Variants in KCNU1 observed in about 807,000 individuals in gnomAD.
KCNU1 encodes potassium channel subfamily U member 1.
A neutral mutation model predicts 126.8 loss-of-function variants in KCNU1; 93 were observed. The ratio of observed to expected loss-of-function variants is 0.73; its 90% CI spans 0.62 to 0.87. KCNU1 has a LOEUF of 0.87. Ranked by LOEUF, KCNU1 falls within the 40% of genes least tolerant of loss-of-function variation. KCNU1 has a pLI of 0.00. For synonymous variants in KCNU1, 523 were observed against 494.2 expected, an observed-to-expected ratio of 1.06 and a Z score of -0.77; for missense variants, 1,330 against 1,367.1, an observed-to-expected ratio of 0.97 and a Z score of 0.43.
intron 24 of KCNU1, among the ~76,000 whole-genome samples, chr8:36,925,427 A>G (rs1424224459): frequency 6.6e-6 from 1 of 152,204 alleles, no homozygotes; most frequent in Non-Finnish European, 1.5e-5. Context: ...GCCCCAGCTC[A>G]TGAATCTTTA....
chr8:36,924,559 A>G (rs1808473250), intron 24 of KCNU1, among the ~76,000 whole-genome samples: 1 of 152,162 alleles, frequency 6.6e-6, no homozygotes, highest in African/African-American at 2.4e-5. Context: ...ACAAATTGGT[A>G]AAGTGCAAGG....
chr8:36,926,385 G>A (rs190080409), intron 24 of KCNU1, among the ~76,000 whole-genome samples: 1 of 152,234 alleles, frequency 6.6e-6, no homozygotes, highest in African/African-American at 2.4e-5. Flanking sequence ...AATGTTCTGT[G>A]CAGAAAGAAG....
chr8:36,857,061 C>G (rs935433681), intron 18 of KCNU1, among the ~76,000 whole-genome samples: 1 of 152,194 alleles, frequency 6.6e-6, no homozygotes, highest in Non-Finnish European at 1.5e-5. Context: ...CCATTGCTCC[C>G]GAGCTTGCAG....
At chr8:36,826,747 G>A (rs2130515065) in intron 10 of KCNU1, among the ~76,000 whole-genome samples, 1 of 151,948 alleles carries the variant, frequency 6.6e-6, no homozygotes, top group South Asian at 2.1e-4. Flanking sequence ...TTTCATTTCA[G>A]GGGTACCTGT....
Position 36,836,336 on chromosome 8 carries a change from A to T in KCNU1, c.1336A>T (p.Ile446Phe), listed in dbSNP as rs958119660. The change falls in exon 13 of 27, where the codon ATC becomes TTC. Residue 446 changes from isoleucine (I) to phenylalanine (F), a missense_variant. By Grantham distance (21) the Ile-to-Phe change is conservative. Coordinates refer to ENST00000399881, the MANE Select transcript of KCNU1 (RefSeq NM_001031836.3). ...IKNYDSTTRI[I>F]IQILQSHNKV... is the part of the protein sequence containing the mutation. ...GAACTATGATTCTACCACCAGAATC[A>T]TCATACAGATACTGCAATCCCATAA... is the stretch of plus-strand genomic sequence containing the variant. 10 of 1,606,500 alleles carry T rather than the reference A, an allele frequency of 6.2e-6. No homozygotes were observed. Among genetic ancestry groups the T allele is most frequent in the Non-Finnish European group, 8.5e-6 (10 of 1,173,964 alleles).
Position 36,843,637 on chromosome 8 carries a change from C to G in KCNU1, c.1704-1943C>G, listed in dbSNP as rs980274723. On this transcript the variant is annotated intron_variant, in intron 16 of 26. Coordinates refer to ENST00000399881, the MANE Select transcript of KCNU1 (RefSeq NM_001031836.3). Reference sequence around the variant, plus strand: ...CTGTAACCACCCTGTAGTAAATTCACTGCTGCCATTATTGGTAGAAGGAAG... The same window carrying G: ...CTGTAACCACCCTGTAGTAAATTCAGTGCTGCCATTATTGGTAGAAGGAAG... 3.3e-5 allele frequency among the ~76,000 whole-genome samples: 5 copies of G among 152,316 alleles called. 1 individual carries two copies. The highest frequency in any genetic ancestry group is 3.3e-4 in the Admixed American group (5 of 15,314).
At chr8:36,792,827 T>A (rs1802952041) in intron 2 of KCNU1, among the ~76,000 whole-genome samples, 2 of 152,196 alleles carry the variant, frequency 1.3e-5, no homozygotes, top group Non-Finnish European at 2.9e-5. Flanking sequence ...GTTCTGCATA[T>A]AATAAGTATA....
rs1339071305 is a variant in KCNU1 at position 36,910,175 on chromosome 8, A to G, written c.2331+640A>G. 2.0e-5 allele frequency among the ~76,000 whole-genome samples: 3 copies of G among 152,336 alleles called. No homozygotes were observed. In the East Asian group the frequency reaches 5.8e-4, roughly 29 times the overall value. On this transcript the variant is annotated intron_variant, in intron 21 of 26. Coordinates refer to ENST00000399881, the MANE Select transcript of KCNU1 (RefSeq NM_001031836.3). ...ATTTCATTTTCATGAGATACGCACCAAAGCATTTTCATAATGCTGGCAATA... is the reference window on the plus strand; with the variant it reads ...ATTTCATTTTCATGAGATACGCACCGAAGCATTTTCATAATGCTGGCAATA...
chr8:36,905,677 C>T, intron 19 of KCNU1, 31 bp from the exon 20 acceptor site: 1 of 1,191,332 alleles, frequency 8.4e-7, no homozygotes, highest in East Asian at 2.3e-5. Flanking sequence ...TCCAAATAGT[C>T]TCAAACTAAC....
rs567779029 is a variant in KCNU1 at position 36,875,348 on chromosome 8, A to G, written c.2009+10827A>G. ...CTTATTTATACATACCAATACATAC[A>G]TACATTACATATATAATTACAGATA... is the stretch of plus-strand genomic sequence containing the variant. On this transcript the variant is annotated intron_variant, in intron 19 of 26. Coordinates refer to ENST00000399881, the MANE Select transcript of KCNU1 (RefSeq NM_001031836.3). 1.1e-4 allele frequency among the ~76,000 whole-genome samples: 16 copies of G among 149,698 alleles called. No individual in the cohort carries two copies. The South Asian group carries it at 3.3e-3, about 31-fold the overall frequency.
At chr8:36,811,193 C>A (rs1803696062) in intron 7 of KCNU1, among the ~76,000 whole-genome samples, 1 of 152,052 alleles carries the variant, frequency 6.6e-6, no homozygotes, top group African/African-American at 2.4e-5. Context: ...CTGTAAATAT[C>A]ATTAGGGTAT....
At chr8:36,837,931 C>T (rs573881517) in intron 14 of KCNU1, among the ~76,000 whole-genome samples, 1 of 152,208 alleles carries the variant, frequency 6.6e-6, no homozygotes, top group East Asian at 1.9e-4. Context: ...TTTCTGTGTT[C>T]AGTACAAATA....
At chr8:36,797,074 G>A (rs1038980961) in intron 2 of KCNU1, among the ~76,000 whole-genome samples, 4 of 152,090 alleles carry the variant, frequency 2.6e-5, no homozygotes, top group African/African-American at 9.7e-5. Context: ...AGAACTACAT[G>A]GTGATTGTGA....
rs551984028 is a variant in KCNU1, at chr8:36,888,108, G to T, written c.2010-17600G>T. Among the ~76,000 whole-genome samples the T allele has an allele frequency of 8.5e-5, 13 of 152,128 alleles. 2 individuals are homozygous for T. The highest frequency in any genetic ancestry group is 3.1e-4 in the African/African-American group (13 of 41,524). On this transcript the variant is annotated intron_variant, in intron 19 of 26. Transcript: ENST00000399881. The stretch of plus-strand genomic sequence containing the variant: ...AGAATTTTATTTTTATTTTATAGAG[G>T]AGAAAAACCAAGTAACAGAAACAAA...
chr8:36,835,677 G>A (rs575190828), intron 12 of KCNU1, among the ~76,000 whole-genome samples: 1 of 152,170 alleles, frequency 6.6e-6, no homozygotes, highest in Admixed American at 6.5e-5. Context: ...GCTAGAGTCA[G>A]TGTTATTACA....
chr8:36,854,281 T>C (rs186708341), intron 18 of KCNU1, among the ~76,000 whole-genome samples: 404 of 152,272 alleles, frequency 2.7e-3, no homozygotes, highest in Non-Finnish European at 4.3e-3. Flanking sequence ...TGAGAAGTTA[T>C]TGGCCATTAT....
At chr8:36,903,421 T>C (rs1807497331) in intron 19 of KCNU1, among the ~76,000 whole-genome samples, 1 of 152,156 alleles carries the variant, frequency 6.6e-6, no homozygotes, top group Non-Finnish European at 1.5e-5. Context: ...GAGAACATTG[T>C]TATCAGTTAC....
At position 36,805,396 on chromosome 8, in the gene KCNU1, T is replaced by C. The variant is rs1275663345; in HGVS notation, c.468+111T>C. On this transcript the variant is annotated intron_variant, in intron 4 of 26. Coordinates refer to ENST00000399881, the MANE Select transcript of KCNU1 (RefSeq NM_001031836.3). ...CTGCCCGAGTTTTCAACTCTAAAGA[T>C]AGCTAATCTGTGCCCTAACTTGTTA... 2.7e-5 allele frequency: 18 copies of C among 677,742 alleles called. No homozygotes were observed. In the East Asian group the frequency reaches 4.9e-4, roughly 19 times the overall value. 42.0% of individuals were successfully genotyped at this position (677,742 alleles called of 1,614,324 possible). A position where few individuals can be genotyped will look rare whatever the true frequency, so the allele number is the denominator to read the frequency against.
chr8:36,869,676 T>C (rs548613711), intron 19 of KCNU1, among the ~76,000 whole-genome samples: 2 of 152,294 alleles, frequency 1.3e-5, no homozygotes, highest in East Asian at 3.9e-4. Context: ...TAAAATGAGA[T>C]GATATTAGAA....
Sources: allele counts gnomAD v4.1 joint callset (sites outside exome capture counted in the v4.1 genomes callset), GRCh38; gene constraint gnomAD v4.1.1; transcripts MANE v1.5; gene names NCBI Gene and HGNC (gene_info 2026-07-23, HGNC 2026-07-21).